Variants in ABCC11 observed in about 807,000 individuals in gnomAD.
ABCC11 encodes ATP-binding cassette sub-family C member 11.
In ABCC11, 135 loss-of-function variants were observed where a neutral mutation model predicts 149.3. The observed-to-expected ratio is 0.90, with a 90% CI of 0.79 to 1.04. The LOEUF is 1.04. Ranked by LOEUF, ABCC11 falls within the 50% of genes least tolerant of loss-of-function variation. The pLI is 0.00. For synonymous variants in ABCC11, 665 were observed against 671.4 expected (o/e 0.99, Z 0.15); for missense variants, 1,680 against 1,722.1 (o/e 0.98, Z 0.43).
Position 48,227,971 on chromosome 16 carries a change from G to A in ABCC11, c.237-7C>T. On this transcript the variant is annotated splice_region_variant and splice_polypyrimidine_tract_variant and intron_variant, in intron 3 of 29. Coordinates refer to ENST00000356608, the MANE Select transcript of ABCC11 (RefSeq NM_001370497.1). The stretch of plus-strand genomic sequence containing the variant: ...GGGCTGGGGGGCAGGAAACCTAGTA[G>A]AGGGGCCACAAGGATAAGAATGAAT... 1.2e-6 allele frequency: 2 copies of A among 1,607,618 alleles called. No homozygotes were observed. Among genetic ancestry groups the A allele is most frequent in the Non-Finnish European group, 8.5e-7 (1 of 1,176,522 alleles).
At chr16:48,233,436 C>A (rs13337955) in intron 1 of ABCC11, among the ~76,000 whole-genome samples, 19,833 of 151,958 alleles carry the variant, frequency 0.13, 1,578 homozygotes, top group African/African-American at 0.23. Context: ...GCTTACTTGC[C>A]ATGTAGTGGT....
Position 48,193,882 on chromosome 16 carries a change from C to A in ABCC11, c.2505G>T (p.Ser835=). ...CCATCCACCTCATGGCACTCACCCC[C>A]GAGCCCTGCTCCAACCAGTAGCTCA... The part of the protein sequence containing the change: ...WWLSYWLEQG[S]GTNSSRESNG... Residue 835 remains serine (S), a synonymous_variant, in exon 19 of 30, where the codon TCG becomes TCT. Transcript: ENST00000356608. The A allele has an allele frequency of 6.2e-7, 1 of 1,613,288 alleles. No individual in the cohort carries two copies. Among genetic ancestry groups the A allele is most frequent in the Middle Eastern group, 1.7e-4 (1 of 6,022 alleles).
At chr16:48,203,101 G>A in intron 14 of ABCC11, 127 bp downstream of exon 14, 1 of 1,048,592 alleles carries the variant, frequency 9.5e-7, no homozygotes, top group Non-Finnish European at 1.4e-6. Context: ...TCCTGCAGCA[G>A]CTGCAGGAAA....
At position 48,184,529 on chromosome 16, in the gene ABCC11, C is replaced by A. The variant is rs1966636129; in HGVS notation, c.3169G>T (p.Val1057Leu). The A allele has an allele frequency of 6.2e-7, 1 of 1,614,236 alleles. No individual in the cohort carries two copies. The highest frequency in any genetic ancestry group is 8.5e-7 in the Non-Finnish European group (1 of 1,180,042). Residue 1057 changes from valine to leucine, a missense_variant, in exon 23 of 30, where the codon GTG becomes TTG. Val to Leu is a conservative substitution (Grantham distance 32, BLOSUM62 1). Transcript: ENST00000356608. ...ALRLEIMTNL[V>L]TLAVALFVAF... is the part of the protein sequence containing the mutation. ...ACGAACAGGGCAACAGCCAAGGTCA[C>A]AAGGTTGGTCATGATCTCCAGCCTC...
At chr16:48,211,308 T>G in intron 10 of ABCC11, 109 bp from the exon 11 acceptor site, 2 of 1,360,214 alleles carry the variant, frequency 1.5e-6, no homozygotes, top group Non-Finnish European at 2.0e-6. Context: ...TGTGAATTTC[T>G]AATAAGCAGT....
At chr16:48,207,145 C>T (rs1397079430) in intron 12 of ABCC11, among the ~76,000 whole-genome samples, 1 of 151,988 alleles carries the variant, frequency 6.6e-6, no homozygotes, top group African/African-American at 2.4e-5. Context: ...AGGAAAACTT[C>T]TCCCAGTGTT....
chr16:48,197,949 G>T (rs770912642), intron 17 of ABCC11, 22 bp downstream of exon 17: 11 of 1,611,838 alleles, frequency 6.8e-6, no homozygotes, highest in Non-Finnish European at 8.5e-6. Flanking sequence ...AGACATTCTT[G>T]TCCTATCTCC....
intron 9 of ABCC11, among the ~76,000 whole-genome samples, chr16:48,213,930 A>G (rs1351642079): frequency 6.6e-6 from 1 of 152,204 alleles, no homozygotes; most frequent in East Asian, 1.9e-4. Context: ...GCTTGGTGCT[A>G]TTCTTGCTGT....
chr16:48,193,732 C>T, intron 19 of ABCC11, 147 bp downstream of exon 19: 1 of 625,700 alleles, frequency 1.6e-6, no homozygotes, highest in Non-Finnish European at 2.7e-6. Context: ...AGTCCTGGCT[C>T]CCCACGGTTC....
intron 1 of ABCC11, among the ~76,000 whole-genome samples, chr16:48,238,386 T>C (rs1471863261): frequency 6.6e-6 from 1 of 152,140 alleles, no homozygotes; most frequent in Non-Finnish European, 1.5e-5. Context: ...TAGGACCTTG[T>C]TTTGGGACCT....
At position 48,222,830 on chromosome 16, in the gene ABCC11, A is replaced by G. The variant is rs1308610908; in HGVS notation, c.545T>C (p.Ile182Thr). 6.2e-7 allele frequency: 1 copy of G among 1,609,628 alleles called. No individual in the cohort carries two copies. The stretch of plus-strand genomic sequence containing the variant: ...TTCCAGGATCTTTGGTATAATCAAT[A>G]TCTACAAGGAAATGGGAGTTTGGAT... The part of the protein sequence containing the change: ...CFCIASVLGP[I>T]LIIPKILEYS... Residue 182 changes from isoleucine to threonine, a missense_variant and splice_region_variant, in exon 6 of 30, where the codon ATA becomes ACA. By Grantham distance (89) the Ile-to-Thr change is moderately conservative. Coordinates refer to ENST00000356608, the MANE Select transcript of ABCC11 (RefSeq NM_001370497.1).
At chr16:48,234,255 T>C (rs1485898100) in intron 1 of ABCC11, among the ~76,000 whole-genome samples, 1 of 152,202 alleles carries the variant, frequency 6.6e-6, no homozygotes, top group Admixed American at 6.5e-5. Context: ...ATATAATAGA[T>C]GTAAGTAACC....
Position 48,231,863 on chromosome 16 carries a change from C to A in ABCC11, c.59G>T (p.Gly20Val). The change falls in exon 2 of 30, where the codon GGC becomes GTC. Residue 20 changes from glycine (G) to valine (V), a missense_variant. Gly to Val is a moderately radical substitution (Grantham distance 109). Coordinates refer to ENST00000356608, the MANE Select transcript of ABCC11 (RefSeq NM_001370497.1). ...PNSSGGLVNR[G>V]IDIGDDMVSG... Reference sequence around the variant, plus strand: ...AACCATGTCATCGCCTATGTCGATGCCACGATTCACGAGGCCACCAGAAGA... The same window carrying A: ...AACCATGTCATCGCCTATGTCGATGACACGATTCACGAGGCCACCAGAAGA... 6.2e-7 allele frequency: 1 copy of A among 1,614,124 alleles called. No homozygotes were observed. Among genetic ancestry groups the A allele is most frequent in the Non-Finnish European group, 8.5e-7 (1 of 1,179,988 alleles).
In ABCC11 at chr16:48,179,681, C is replaced by T. The variant is rs139813728; in HGVS notation, c.3259-995G>A. Among the ~76,000 whole-genome samples the T allele has an allele frequency of 2.9e-3, 447 of 152,310 alleles. 6 individuals carry two copies. The highest frequency in any genetic ancestry group is 9.1e-3 in the African/African-American group (378 of 41,564). ...GAATAAAGTGCAGAGGGGCGCACTCCACAATGGAGAAGCCCTGGAGTGCCA... is the reference window on the plus strand; with the variant it reads ...GAATAAAGTGCAGAGGGGCGCACTCTACAATGGAGAAGCCCTGGAGTGCCA... On this transcript the variant is annotated intron_variant, in intron 23 of 29. Transcript: ENST00000356608.
Position 48,175,445 on chromosome 16 carries a change from C to A in ABCC11, c.3539-28G>T, listed in dbSNP as rs760637742. ...GTGGGGCAAGAAACAAGCGGGGCCTCAGTTTCCTGCATCTGCACTAGCGGA... is the reference window on the plus strand; with the variant it reads ...GTGGGGCAAGAAACAAGCGGGGCCTAAGTTTCCTGCATCTGCACTAGCGGA... On this transcript the variant is annotated intron_variant, in intron 25 of 29. Transcript: ENST00000356608. 1.9e-6 allele frequency: 3 copies of A among 1,590,606 alleles called. No homozygotes were observed. The African/African-American group carries it at 4.0e-5, about 21-fold the overall frequency.
Position 48,193,921 on chromosome 16 carries a change from G to A in ABCC11, c.2466C>T (p.Phe822=). Residue 822 remains phenylalanine (F), a synonymous_variant, in exon 19 of 30, where the codon TTC becomes TTT. Transcript: ENST00000356608. Reference sequence around the variant, plus strand: ...ACCAGTAGCTCAGCCACCAGAAGCTGAAGATCGTTAAGAAGACGATCAGCA... The same window carrying A: ...ACCAGTAGCTCAGCCACCAGAAGCTAAAGATCGTTAAGAAGACGATCAGCA... The part of the protein sequence containing the change: ...FVVLIVFLTI[F]SFWWLSYWLE... 6.2e-7 allele frequency: 1 copy of A among 1,614,058 alleles called. No homozygotes were observed. The highest frequency in any genetic ancestry group is 8.5e-7 in the Non-Finnish European group (1 of 1,179,944).
intron 6 of ABCC11, among the ~76,000 whole-genome samples, chr16:48,221,849 C>T (rs1969761298): frequency 6.6e-6 from 1 of 152,086 alleles, no homozygotes; most frequent in South Asian, 2.1e-4. Context: ...TCAAGCGATC[C>T]TCCTGCATTA....
intron 3 of ABCC11, among the ~76,000 whole-genome samples, chr16:48,229,028 G>T (rs547670886): frequency 6.6e-6 from 1 of 152,050 alleles, no homozygotes; most frequent in African/African-American, 2.4e-5. Context: ...TTTCTTTTGG[G>T]GGGTAGGGGA....
At chr16:48,183,295 G>C (rs1389857069) in intron 23 of ABCC11, among the ~76,000 whole-genome samples, 8 of 152,216 alleles carry the variant, frequency 5.3e-5, no homozygotes, top group Non-Finnish European at 1.2e-4. Context: ...TCAGGCCTTG[G>C]GGCCTTCACG....
Sources: gnomAD v4.1 joint callset for allele counts (sites outside exome capture counted in the v4.1 genomes callset) on GRCh38, gnomAD v4.1.1 for gene constraint, MANE v1.5 for transcripts, NCBI Gene and HGNC (gene_info 2026-07-23, HGNC 2026-07-21) for gene names.